SH3BP5: variants seen among roughly 807,000 people sequenced by gnomAD.
The protein encoded by SH3BP5 is SH3 domain binding protein 5.
A neutral mutation model predicts 43.3 loss-of-function variants in SH3BP5; 22 were observed. That is an observed-to-expected ratio of 0.51 (90% CI 0.36 to 0.73). The LOEUF (loss-of-function observed/expected upper bound fraction) is 0.73, where lower values mean the gene tolerates loss of function less well. SH3BP5 is among the 30% of genes least tolerant of loss of function. The pLI is 0.00. For missense variants in SH3BP5, 529 were observed against 586.9 expected (o/e 0.90, Z 1.02); for synonymous variants, 255 against 225.8 (o/e 1.13, Z -1.16).
intron 2 of SH3BP5, among the ~76,000 whole-genome samples, chr3:15,309,911 C>T (rs1031149681): frequency 7.9e-5 from 12 of 151,462 alleles, no homozygotes; most frequent in African/African-American, 2.2e-4. Context: ...GCTCCACCCC[C>T]CCCCCATAAG....
intron 2 of SH3BP5, among the ~76,000 whole-genome samples, chr3:15,320,747 T>C (rs772009292): frequency 2.0e-5 from 3 of 152,124 alleles, no homozygotes; most frequent in Non-Finnish European, 4.4e-5. Context: ...ACCTGGGGAT[T>C]TGAAGATTCT....
chr3:15,333,724 C>T (rs139792011), upstream of SH3BP5, among the ~76,000 whole-genome samples: 671 of 152,298 alleles, frequency 4.4e-3, 6 homozygotes, highest in African/African-American at 0.015. Context: ...ACCCCATACA[C>T]GCTGGCACTG....
intron 4 of SH3BP5, among the ~76,000 whole-genome samples, chr3:15,267,404 C>G (rs1559429273): frequency 6.6e-6 from 1 of 152,230 alleles, no homozygotes; most frequent in Non-Finnish European, 1.5e-5. Flanking sequence ...TTGCTGGTGT[C>G]TGTTTTTAAC....
chr3:15,262,475 T>C (rs893746571), intron 4 of SH3BP5, among the ~76,000 whole-genome samples, 186 bp from the exon 5 acceptor site: 4 of 151,982 alleles, frequency 2.6e-5, no homozygotes, highest in Admixed American at 6.5e-5. Context: ...CTAGCCAACA[T>C]GGTGAAACCC....
At chr3:15,310,328 G>A (rs762380602) in intron 2 of SH3BP5, among the ~76,000 whole-genome samples, 17 of 152,206 alleles carry the variant, frequency 1.1e-4, no homozygotes, top group Non-Finnish European at 2.4e-4. Context: ...TGTATAAGGA[G>A]CAGAGTCTGT....
chr3:15,317,599 T>C (rs1019593362), intron 2 of SH3BP5, among the ~76,000 whole-genome samples: 1 of 152,328 alleles, frequency 6.6e-6, no homozygotes, highest in African/African-American at 2.4e-5. Context: ...TTAAAAAAGC[T>C]ATATTCAAGT....
intron 2 of SH3BP5, among the ~76,000 whole-genome samples, chr3:15,326,625 G>A (rs991737849): frequency 2.0e-5 from 3 of 152,136 alleles, no homozygotes; most frequent in Non-Finnish European, 4.4e-5. Flanking sequence ...ATCAATACAC[G>A]CAGCCCTTTC....
intron 3 of SH3BP5, among the ~76,000 whole-genome samples, chr3:15,290,761 C>T (rs951784529): frequency 1.9e-4 from 29 of 152,188 alleles, no homozygotes; most frequent in African/African-American, 7.0e-4. Context: ...CTAACCAGAG[C>T]CCATCATTGC....
intron 3 of SH3BP5, 102 bp from the exon 4 acceptor site, chr3:15,269,979 C>T (rs1394234604): frequency 1.4e-5 from 15 of 1,053,818 alleles, no homozygotes; most frequent in Non-Finnish European, 1.6e-5. Context: ...CCAGGACAAG[C>T]TCATCTCTGC....
At chr3:15,311,561 A>G (rs917203328) in intron 2 of SH3BP5, among the ~76,000 whole-genome samples, 2 of 60 alleles carry the variant, frequency 0.033, no homozygotes, top group Non-Finnish European at 0.053. Flanking sequence ...GTCTCAAAAA[A>G]AGAAAAACAA....
chr3:15,285,772 C>G (rs564754802), intron 3 of SH3BP5, among the ~76,000 whole-genome samples: 18 of 152,312 alleles, frequency 1.2e-4, no homozygotes, highest in South Asian at 2.1e-4. Flanking sequence ...TTCCCACCTC[C>G]TCCACGTTTC....
chr3:15,259,184 A>C, intron 6 of SH3BP5, 134 bp from the exon 7 acceptor site: 1 of 697,356 alleles, frequency 1.4e-6, no homozygotes, highest in Non-Finnish European at 2.5e-6. Flanking sequence ...CTGAAGACCT[A>C]ATTACCATTG....
At chr3:15,312,402 CTT>C (rs1348039149) in intron 2 of SH3BP5, among the ~76,000 whole-genome samples, 2 of 152,146 alleles carry the variant, frequency 1.3e-5, no homozygotes, top group Non-Finnish European at 2.9e-5. Flanking sequence ...AAATAAATGT[CTT>C]TTGATTTTTA....
intron 4 of SH3BP5, among the ~76,000 whole-genome samples, chr3:15,268,286 G>A (rs1696699151): frequency 6.6e-6 from 1 of 152,184 alleles, no homozygotes; most frequent in Non-Finnish European, 1.5e-5. Context: ...GATCCCCCAG[G>A]ACTTGAGCCA....
intron 2 of SH3BP5, among the ~76,000 whole-genome samples, chr3:15,314,109 T>C (rs1698127188): frequency 6.6e-6 from 1 of 151,568 alleles, no homozygotes; most frequent in African/African-American, 2.4e-5. Context: ...CTCAAAAAAT[T>C]AAAACTTAAT....
chr3:15,302,877 C>T (rs551416321), intron 3 of SH3BP5, among the ~76,000 whole-genome samples: 3 of 151,644 alleles, frequency 2.0e-5, no homozygotes, highest in East Asian at 1.9e-4. Flanking sequence ...GGCACGATCT[C>T]GGCTCACTGC....
At chr3:15,317,384 T>G (rs1336444171) in intron 2 of SH3BP5, among the ~76,000 whole-genome samples, 4 of 152,186 alleles carry the variant, frequency 2.6e-5, no homozygotes, top group Non-Finnish European at 5.9e-5. Flanking sequence ...ACCTCCCTCC[T>G]GCCTTCAGCT....
chr3:15,261,894 TTAA>T (rs921396088), intron 5 of SH3BP5, among the ~76,000 whole-genome samples: 24 of 152,184 alleles, frequency 1.6e-4, no homozygotes, highest in Non-Finnish European at 1.2e-4. Flanking sequence ...AATGGGCCAT[TTAA>T]TAATGTGCCT....
At chr3:15,307,281 C>T (rs1330244330) in intron 2 of SH3BP5, among the ~76,000 whole-genome samples, 1 of 152,162 alleles carries the variant, frequency 6.6e-6, no homozygotes, top group Non-Finnish European at 1.5e-5. Flanking sequence ...GCAGCTTCTA[C>T]AGGCAGAAGA....
Sources: gnomAD v4.1 joint callset for allele counts (sites outside exome capture counted in the v4.1 genomes callset) on GRCh38, gnomAD v4.1.1 for gene constraint, MANE v1.5 for transcripts, NCBI Gene and HGNC (gene_info 2026-07-23, HGNC 2026-07-21) for gene names.